The following ERAP2 variants were observed in gnomAD, a reference collection of about 807,000 sequenced individuals.
ERAP2 encodes endoplasmic reticulum aminopeptidase 2.
In ERAP2, 118 loss-of-function variants were observed where a neutral mutation model predicts 111.1. The observed-to-expected ratio is 1.06, with a 90% CI of 0.92 to 1.24. The LOEUF is 1.24. ERAP2 is among the 50% of genes most tolerant of loss of function. ERAP2 has a pLI of 0.00. For synonymous variants in ERAP2, 410 were observed against 401.2 expected, an observed-to-expected ratio of 1.02 and a Z score of -0.26; for missense variants, 1,131 against 1,125.8, an observed-to-expected ratio of 1.00 and a Z score of -0.07.
chr5:96,876,896 TG>T (rs1384146247), intron 1 of ERAP2, among the ~76,000 whole-genome samples: 1 of 152,224 alleles, frequency 6.6e-6, no homozygotes, highest in Non-Finnish European at 1.5e-5. Flanking sequence ...GTCCTGATTC[TG>T]TTTCAGACTT....
intron 4 of ERAP2, among the ~76,000 whole-genome samples, chr5:96,888,075 A>G (rs1229019958): frequency 6.6e-6 from 1 of 151,806 alleles, no homozygotes; most frequent in Non-Finnish European, 1.5e-5. Context: ...CAGTGAACTG[A>G]CATTGCACCA....
chr5:96,884,045 T>TCTAA (rs1478841755), intron 3 of ERAP2, 115 bp downstream of exon 3: 1 of 355,972 alleles, frequency 2.8e-6, no homozygotes, highest in Non-Finnish European at 5.2e-6. Flanking sequence ...TATCTATCTA[T>TCTAA]CTATCTATCT....
At chr5:96,905,796 A>G (rs999530440) in intron 13 of ERAP2, among the ~76,000 whole-genome samples, 2 of 152,140 alleles carry the variant, frequency 1.3e-5, no homozygotes, top group African/African-American at 4.8e-5. Flanking sequence ...AGGCACATGA[A>G]TCGCTTGAAC....
At position 96,901,588 on chromosome 5, in the gene ERAP2, T is replaced by A. The variant is rs892411033; in HGVS notation, c.1655T>A (p.Val552Asp). The change falls in exon 11 of 19, where the codon GTT (valine) becomes GAT (aspartate). Residue 552 changes from valine to aspartate, a missense_variant. Around this residue, in one of 3 missense-constraint regions of ERAP2, gnomAD observed 847 missense variants for 856.5 expected, o/e 0.99. Transcript: ENST00000437043. The part of the protein sequence containing the change: ...TLQKGIPLLV[V>D]KQDGCSLRLQ... ...CAGAAAGGAATCCCCCTGCTGGTGG[T>A]TAAACAAGACGGGTGTTCACTCCGA... The A allele has an allele frequency of 1.9e-6, 3 of 1,613,980 alleles. No individual in the cohort carries two copies. In the African/African-American group the frequency reaches 4.0e-5, roughly 22 times the overall value.
intron 15 of ERAP2, among the ~76,000 whole-genome samples, chr5:96,910,500 C>A (rs1269491762): frequency 6.6e-6 from 1 of 150,764 alleles, no homozygotes; most frequent in African/African-American, 2.4e-5. Flanking sequence ...TTATTCTCTT[C>A]TTTTTGTTTC....
chr5:96,889,183 A>G lies in ERAP2; in HGVS notation c.850-2A>G. Reference sequence around the variant, plus strand: ...AAACCTCTTCTGATCCACATTTCCCAGGTGTCCATCTATGCATCCCCAGAC... The same window carrying G: ...AAACCTCTTCTGATCCACATTTCCCGGGTGTCCATCTATGCATCCCCAGAC... On this transcript the variant is annotated splice_acceptor_variant, in intron 4 of 18. Transcript: ENST00000437043. LOFTEE classifies it high-confidence loss of function. 1 of 1,613,984 alleles carries G rather than the reference A, an allele frequency of 6.2e-7. No homozygotes were observed.
chr5:96,917,375 C>G (rs774256052), intron 18 of ERAP2, 87 bp from the exon 19 acceptor site: 82 of 1,317,636 alleles, frequency 6.2e-5, no homozygotes, highest in Non-Finnish European at 8.4e-5. Context: ...CCCACCTTGG[C>G]CTCCCGAAGT....
Position 96,912,662 on chromosome 5 carries a change from G to A in ERAP2, c.2380G>A (p.Val794Met). Residue 794 changes from valine (V) to methionine (M), a missense_variant, in exon 16 of 19, where the codon GTG (valine) becomes ATG (methionine). Transcript: ENST00000437043. ...LNIPTDVLKI[V>M]YSVGAQTTAG... ...TATACCAACAGATGTTTTAAAGATT[G>A]TGTATTCTGTGGGTGCTCAGACAAC... is the stretch of plus-strand genomic sequence containing the variant. 6.2e-7 allele frequency: 1 copy of A among 1,610,454 alleles called. No homozygotes were observed. Among genetic ancestry groups the A allele is most frequent in the Middle Eastern group, 1.7e-4 (1 of 6,052 alleles).
intron 1 of ERAP2, among the ~76,000 whole-genome samples, chr5:96,878,437 A>T (rs1561353409): frequency 1.3e-5 from 2 of 151,880 alleles, no homozygotes; most frequent in African/African-American, 4.8e-5. Flanking sequence ...AAGAATATAG[A>T]ATATATATAT....
intron 3 of ERAP2, among the ~76,000 whole-genome samples, chr5:96,886,102 A>G (rs1783684927): frequency 6.6e-6 from 1 of 152,234 alleles, no homozygotes. Context: ...CCGTGGAACT[A>G]GCCATGTGAT....
intron 18 of ERAP2, among the ~76,000 whole-genome samples, chr5:96,916,683 T>A (rs556205176): frequency 2.0e-5 from 3 of 151,750 alleles, no homozygotes; most frequent in Non-Finnish European, 4.4e-5. Context: ...TTAGCCAGGG[T>A]GGTCTCGATC....
At chr5:96,897,969 G>T (rs1404797976) in intron 9 of ERAP2, among the ~76,000 whole-genome samples, 1 of 152,158 alleles carries the variant, frequency 6.6e-6, no homozygotes, top group Admixed American at 6.5e-5. Flanking sequence ...CACCAAGGTG[G>T]GTAGATCACT....
At chr5:96,902,148 C>A in intron 11 of ERAP2, 126 bp from the exon 12 acceptor site, 1 of 604,910 alleles carries the variant, frequency 1.7e-6, no homozygotes, top group Non-Finnish European at 2.9e-6. Context: ...ATTTATAAGA[C>A]CACTTGTGGG....
Position 96,895,327 on chromosome 5 carries a change from G to A in ERAP2, c.1207G>A (p.Ala403Thr), listed in dbSNP as rs757058709. ...EGFAKYMELI[A>T]VNATYPELQF... Reference sequence around the variant, plus strand: ...TTTTGCAAAATACATGGAACTTATCGCTGTTAATGCTACATATCCAGAGCT... The same window carrying A: ...TTTTGCAAAATACATGGAACTTATCACTGTTAATGCTACATATCCAGAGCT... Residue 403 changes from alanine (A) to threonine (T), a missense_variant, in exon 7 of 19, where the codon GCT (alanine) becomes ACT (threonine). Ala to Thr is a moderately conservative substitution (Grantham distance 58). This residue lies in a region of ERAP2 where 847 missense variants were observed against 856.5 expected (regional missense o/e 0.99). Coordinates refer to ENST00000437043, the MANE Select transcript of ERAP2 (RefSeq NM_022350.5). The A allele has an allele frequency of 9.9e-6, 16 of 1,611,486 alleles. No individual in the cohort carries two copies. The African/African-American group carries it at 1.3e-4, about 13-fold the overall frequency.
At chr5:96,899,406 A>G (rs973205509) in intron 9 of ERAP2, among the ~76,000 whole-genome samples, 8 of 152,242 alleles carry the variant, frequency 5.3e-5, no homozygotes, top group African/African-American at 1.9e-4. Flanking sequence ...CCATTGTGTC[A>G]CATAAAGTCA....
At chr5:96,885,111 A>T (rs1044615825) in intron 3 of ERAP2, among the ~76,000 whole-genome samples, 1 of 152,194 alleles carries the variant, frequency 6.6e-6, no homozygotes, top group Non-Finnish European at 1.5e-5. Flanking sequence ...GGGATAAACC[A>T]TAGCAAACGC....
intron 1 of ERAP2, 81 bp from the exon 2 acceptor site, chr5:96,879,483 C>T: frequency 1.9e-6 from 1 of 526,566 alleles, no homozygotes; most frequent in Non-Finnish European, 3.4e-6. Context: ...CTTACTCACA[C>T]ATACCTTTTT....
chr5:96,894,513 CA>C (rs10707238), intron 6 of ERAP2, among the ~76,000 whole-genome samples: 81,856 of 151,730 alleles, frequency 0.54, 22,133 homozygotes, highest in Admixed American at 0.59. Flanking sequence ...ACTAGATGTG[CA>C]GTATTAGGCA....
At chr5:96,896,641 C>A in intron 8 of ERAP2, 91 bp from the exon 9 acceptor site, 1 of 1,460,966 alleles carries the variant, frequency 6.8e-7, no homozygotes, top group Non-Finnish European at 9.2e-7. Context: ...AGACATCACA[C>A]ATGTTCCGTA....
Sources: allele counts gnomAD v4.1 joint callset (sites outside exome capture counted in the v4.1 genomes callset), GRCh38; gene constraint gnomAD v4.1.1; regional missense constraint gnomAD v4.1.1; transcripts MANE v1.5; gene names NCBI Gene and HGNC (gene_info 2026-07-23, HGNC 2026-07-21).